RP1L1: variants seen among roughly 807,000 people sequenced by gnomAD.
RP1L1 encodes the protein retinitis pigmentosa 1-like 1 protein.
In RP1L1, 27 loss-of-function variants were observed where a neutral mutation model predicts 15.7. The ratio of observed to expected loss-of-function variants is 1.72; its 90% CI spans 1.27 to 2.38. The LOEUF is 2.38. Ranked by LOEUF, RP1L1 falls within the 30% of genes most tolerant of loss-of-function variation. The probability of loss-of-function intolerance (pLI) is 0.00; values close to 1 mark genes in which losing one functional copy is unlikely to be tolerated. For synonymous variants in RP1L1, 1,813 were observed against 1,276.7 expected (o/e 1.42, Z -8.96); for missense variants, 4,798 against 3,075.9 (o/e 1.56, Z -13.24).
chr8:10,615,161 C>T (rs1028756635), intron 3 of RP1L1, among the ~76,000 whole-genome samples: 3 of 152,112 alleles, frequency 2.0e-5, no homozygotes, highest in South Asian at 4.1e-4. Context: ...CAGTGATCAC[C>T]GAGCCTGTCC....
At chr8:10,627,679 G>C (rs1798179826) in intron 1 of RP1L1, among the ~76,000 whole-genome samples, 1 of 152,034 alleles carries the variant, frequency 6.6e-6, no homozygotes, top group Admixed American at 6.6e-5. Flanking sequence ...TTAAAAGGAG[G>C]GGGTGGGATG....
intron 1 of RP1L1, among the ~76,000 whole-genome samples, chr8:10,645,952 T>A (rs937564434): frequency 1.3e-5 from 2 of 152,162 alleles, no homozygotes; most frequent in Non-Finnish European, 2.9e-5. Flanking sequence ...GAAAGCCTCA[T>A]CCCTTCAACC....
At chr8:10,641,415 G>C (rs567604795) in intron 1 of RP1L1, among the ~76,000 whole-genome samples, 1 of 152,308 alleles carries the variant, frequency 6.6e-6, no homozygotes, top group Admixed American at 6.5e-5. Context: ...AAGCCACTGA[G>C]ATTTGGGAAT....
At position 10,610,727 on chromosome 8, in the gene RP1L1, C is replaced by A; in HGVS notation, c.3371G>T (p.Ser1124Ile). ...SAGALITCLA[S>I]LQLFEEDLGS... ...AAGGTCTTCCTCAAATAACTGCAGA[C>A]TGGCCAGACAAGTAATGAGGGCCCC... is the stretch of plus-strand genomic sequence containing the variant. Residue 1124 changes from serine to isoleucine, a missense_variant, in exon 4 of 4, where the codon AGT becomes ATT. Ser to Ile is a moderately radical substitution (Grantham distance 142). Transcript: ENST00000382483. 2 of 1,613,560 alleles carry A rather than the reference C, an allele frequency of 1.2e-6. No individual in the cohort carries two copies. The highest frequency in any genetic ancestry group is 1.7e-6 in the Non-Finnish European group (2 of 1,180,038).
In RP1L1 at chr8:10,616,441, C is replaced by G. The variant is rs781255037; in HGVS notation, c.751+5G>C. 31 of 1,614,126 alleles carry G rather than the reference C, an allele frequency of 1.9e-5. No homozygotes were observed. The highest frequency in any genetic ancestry group is 2.7e-5 in the African/African-American group (2 of 74,954). On this transcript the variant is annotated splice_donor_5th_base_variant and intron_variant, in intron 3 of 3. Coordinates refer to ENST00000382483, the MANE Select transcript of RP1L1 (RefSeq NM_178857.6). ...CAGATGGGGGAAACCCAAAAACCAA[C>G]TCACCGTTTTTGTTTCTTGAAGTCA...
intron 1 of RP1L1, among the ~76,000 whole-genome samples, chr8:10,641,046 C>T (rs1029530145): frequency 1.3e-5 from 2 of 152,238 alleles, no homozygotes; most frequent in East Asian, 3.8e-4. Flanking sequence ...GCTGGGACTA[C>T]AGGCATATGT....
rs753955943 is a variant in RP1L1 at position 10,608,506 on chromosome 8, T to C, written c.5592A>G (p.Glu1864=). ...CTTCTGACTCTGGCTGGGCCTCCCCTTCAGCCTCCTGGGCATCCCCTTCTG... is the reference window on the plus strand; with the variant it reads ...CTTCTGACTCTGGCTGGGCCTCCCCCTCAGCCTCCTGGGCATCCCCTTCTG... The part of the protein sequence containing the change: ...PEAEGDAQEA[E]GEAQPESEDV... The change falls in exon 4 of 4, where the codon GAA becomes GAG. Residue 1864 remains glutamate, a synonymous_variant. Coordinates refer to ENST00000382483, the MANE Select transcript of RP1L1 (RefSeq NM_178857.6). 3.0e-6 allele frequency: 4 copies of C among 1,313,796 alleles called. No homozygotes were observed. Among genetic ancestry groups the C allele is most frequent in the Non-Finnish European group, 4.3e-6 (4 of 928,826 alleles). 81.4% of individuals were successfully genotyped at this position (1,313,796 alleles called of 1,614,324 possible).
At chr8:10,634,157 C>A (rs765639759) in intron 1 of RP1L1, among the ~76,000 whole-genome samples, 1 of 152,156 alleles carries the variant, frequency 6.6e-6, no homozygotes, top group Admixed American at 6.5e-5. Flanking sequence ...AGTTATCAGG[C>A]CACACAGCAC....
chr8:10,616,340 G>A (rs2117212887), intron 3 of RP1L1, 106 bp downstream of exon 3: 1 of 1,441,742 alleles, frequency 6.9e-7, no homozygotes, highest in South Asian at 1.2e-5. Context: ...CCCAAGATCT[G>A]GGGCCAAAGG....
At chr8:10,619,438 T>C (rs1055196656) in intron 2 of RP1L1, among the ~76,000 whole-genome samples, 20 of 152,118 alleles carry the variant, frequency 1.3e-4, no homozygotes, top group African/African-American at 4.8e-4. Context: ...ATCCCAGCAA[T>C]GGTGGGGTAA....
At position 10,610,057 on chromosome 8, in the gene RP1L1, T is replaced by C; in HGVS notation, c.4041A>G (p.Glu1347=). The C allele has an allele frequency of 5.4e-6, 6 of 1,121,468 alleles. No homozygotes were observed. Among genetic ancestry groups the C allele is most frequent in the East Asian group, 4.9e-5 (1 of 20,306 alleles). 69.5% of individuals were successfully genotyped at this position (1,121,468 alleles called of 1,614,324 possible). Residue 1347 remains glutamate (E), a synonymous_variant, in exon 4 of 4, where the codon GAA becomes GAG. Coordinates refer to ENST00000382483, the MANE Select transcript of RP1L1 (RefSeq NM_178857.6). ...QLEETKETEG[E]GQQEEEAQLE... The stretch of plus-strand genomic sequence containing the variant: ...ACTGCGCCTCTTCTTCTTGCTGTCC[T>C]TCTCCTTCTGTTTCTTTAGTTTCCT...
chr8:10,654,189 G>A (rs1461490306), intron 1 of RP1L1, among the ~76,000 whole-genome samples: 1 of 152,120 alleles, frequency 6.6e-6, no homozygotes, highest in Non-Finnish European at 1.5e-5. Flanking sequence ...CGGGAGACTG[G>A]CACTTGACTG....
chr8:10,609,778 C>G lies in RP1L1; in HGVS notation c.4320G>C (p.Glu1440Asp), dbSNP rs1314836878. ...EEAGRASASA[E>D]PCPAEGTEEP... is the part of the protein sequence containing the mutation. Reference sequence around the variant, plus strand: ...CCTCTGTGCCCTCTGCGGGGCACGGCTCTGCAGAGGCAGAGGCTCTTCCTG... The same window carrying G: ...CCTCTGTGCCCTCTGCGGGGCACGGGTCTGCAGAGGCAGAGGCTCTTCCTG... Residue 1440 changes from glutamate (E) to aspartate (D), a missense_variant, in exon 4 of 4, where the codon GAG becomes GAC. Physicochemically the swap from Glu to Asp is conservative, Grantham distance 45 (BLOSUM62 2). Coordinates refer to ENST00000382483, the MANE Select transcript of RP1L1 (RefSeq NM_178857.6). 1 of 1,613,904 alleles carries G rather than the reference C, an allele frequency of 6.2e-7. No homozygotes were observed. The highest frequency in any genetic ancestry group is 2.2e-5 in the East Asian group (1 of 44,882).
chr8:10,611,393 C>A lies in RP1L1; in HGVS notation c.2705G>T (p.Gly902Val). 5 of 1,605,246 alleles carry A rather than the reference C, an allele frequency of 3.1e-6. No homozygotes were observed. Among genetic ancestry groups the A allele is most frequent in the Non-Finnish European group, 3.4e-6 (4 of 1,177,372 alleles). The change falls in exon 4 of 4, where the codon GGC becomes GTC. Residue 902 changes from glycine to valine, a missense_variant. Gly to Val is a moderately radical substitution (Grantham distance 109). Coordinates refer to ENST00000382483, the MANE Select transcript of RP1L1 (RefSeq NM_178857.6). ...TRQPGPTPSP[G>V]PNSGASRRSS... Reference sequence around the variant, plus strand: ...TCTCCTTGATGCCCCTGAATTGGGGCCTGGGGACGGCGTGGGGCCTGGCTG... The same window carrying A: ...TCTCCTTGATGCCCCTGAATTGGGGACTGGGGACGGCGTGGGGCCTGGCTG...
chr8:10,610,335 G>A lies in RP1L1; in HGVS notation c.3763C>T (p.Gln1255Ter), dbSNP rs917798942. Residue 1255 changes from glutamine to a stop codon, truncating the protein, a stop_gained, in exon 4 of 4, where the codon CAG becomes TAG. Transcript: ENST00000382483. LOFTEE classifies it low-confidence loss of function (END_TRUNC). Reference protein sequence around the residue: ...ESPGDLENQQQCCFPTFLNAR... With the variant: ...ESPGDLENQQ ...TTCAAGAAGGTTGGGAAACAACACT[G>A]CTGTTGGTTTTCCAGATCCCCTGGG... 2 of 1,614,078 alleles carry A rather than the reference G, an allele frequency of 1.2e-6. No homozygotes were observed. The highest frequency in any genetic ancestry group is 1.7e-6 in the Non-Finnish European group (2 of 1,180,046).
At chr8:10,616,659 A>G (rs1026746576) in intron 2 of RP1L1, 72 bp from the exon 3 acceptor site, 200 of 1,508,306 alleles carry the variant, frequency 1.3e-4, no homozygotes, top group Non-Finnish European at 1.7e-4. Context: ...CTGGGGGAGG[A>G]AGGATCCAGT....
At chr8:10,614,597 G>T (rs1797933771) in intron 3 of RP1L1, among the ~76,000 whole-genome samples, 1 of 147,220 alleles carries the variant, frequency 6.8e-6, no homozygotes, top group South Asian at 2.2e-4. Context: ...AGAGGCGGAG[G>T]TTGCAGTGAG....
chr8:10,638,981 C>T (rs898595772), intron 1 of RP1L1, among the ~76,000 whole-genome samples: 25 of 151,940 alleles, frequency 1.6e-4, no homozygotes, highest in African/African-American at 6.0e-4. Flanking sequence ...CCAGGCTCTA[C>T]TAAAAAATAA....
At chr8:10,636,781 C>A (rs1261214947) in intron 1 of RP1L1, among the ~76,000 whole-genome samples, 2 of 152,248 alleles carry the variant, frequency 1.3e-5, no homozygotes, top group Non-Finnish European at 2.9e-5. Context: ...GGCCTGACCC[C>A]TCCCCTGCCC....
Sources: gnomAD v4.1 joint callset for allele counts (sites outside exome capture counted in the v4.1 genomes callset) on GRCh38, gnomAD v4.1.1 for gene constraint, MANE v1.5 for transcripts, NCBI Gene and HGNC (gene_info 2026-07-23, HGNC 2026-07-21) for gene names.